The following GMDS variants were observed in gnomAD, a reference collection of about 807,000 sequenced individuals.
GMDS encodes the protein GDP-mannose 4,6 dehydratase.
A neutral mutation model predicts 49.9 loss-of-function variants in GMDS; 20 were observed. The ratio of observed to expected loss-of-function variants is 0.40; its 90% CI spans 0.28 to 0.58. GMDS has a LOEUF of 0.58. GMDS is among the 20% of genes least tolerant of loss of function. GMDS has a pLI of 0.42. For synonymous variants in GMDS, 177 were observed against 178.6 expected (o/e 0.99, Z 0.07); for missense variants, 362 against 481.4 (o/e 0.75, Z 2.32).
intron 9 of GMDS, among the ~76,000 whole-genome samples, chr6:1,666,306 G>T (rs950647857): frequency 1.3e-5 from 2 of 152,064 alleles, no homozygotes; most frequent in Admixed American, 1.3e-4. Context: ...TTATTTTACA[G>T]TGTGGATCTG....
At chr6:2,035,200 G>T (rs1769223578) in intron 4 of GMDS, among the ~76,000 whole-genome samples, 1 of 152,086 alleles carries the variant, frequency 6.6e-6, no homozygotes, top group Non-Finnish European at 1.5e-5. Context: ...TACACCATGT[G>T]GAGGGAAGGC....
chr6:1,719,957 G>C (rs1329597965), intron 9 of GMDS, among the ~76,000 whole-genome samples: 1 of 152,090 alleles, frequency 6.6e-6, no homozygotes, highest in Non-Finnish European at 1.5e-5. Context: ...ATGGAAAAAA[G>C]GTACAGATGT....
intron 7 of GMDS, among the ~76,000 whole-genome samples, chr6:1,918,198 C>T (rs934460315): frequency 6.6e-6 from 1 of 151,910 alleles, no homozygotes; most frequent in Non-Finnish European, 1.5e-5. Context: ...AATAATAGAG[C>T]CCTCCTTGGA....
At chr6:1,966,209 T>C (rs1460629873) in intron 4 of GMDS, among the ~76,000 whole-genome samples, 1 of 152,110 alleles carries the variant, frequency 6.6e-6, no homozygotes, top group East Asian at 1.9e-4. Context: ...TTGGTTGTGG[T>C]TGGTTTCTAT....
chr6:2,009,525 G>A (rs750729455), intron 4 of GMDS, among the ~76,000 whole-genome samples: 1 of 152,156 alleles, frequency 6.6e-6, no homozygotes, highest in African/African-American at 2.4e-5. Context: ...ACAAAGATAT[G>A]CTTTTTAAAA....
At chr6:1,724,839 C>T (rs1470233021) in intron 9 of GMDS, among the ~76,000 whole-genome samples, 1 of 152,294 alleles carries the variant, frequency 6.6e-6, no homozygotes, top group Admixed American at 6.5e-5. Flanking sequence ...CCATTAGCAC[C>T]GGGAACAATG....
chr6:2,084,728 C>T (rs1218313122), intron 4 of GMDS, among the ~76,000 whole-genome samples: 4 of 152,030 alleles, frequency 2.6e-5, no homozygotes, highest in East Asian at 1.9e-4. Context: ...AGGATGGTCT[C>T]GATCTCCTGA....
At chr6:1,791,660 G>T (rs1162879121) in intron 7 of GMDS, among the ~76,000 whole-genome samples, 2 of 152,146 alleles carry the variant, frequency 1.3e-5, no homozygotes, top group East Asian at 3.8e-4. Context: ...TAAGAAACAA[G>T]TATGGTTTGT....
chr6:1,705,902 A>C (rs1349423312), intron 9 of GMDS, among the ~76,000 whole-genome samples: 1 of 152,220 alleles, frequency 6.6e-6, no homozygotes, highest in Non-Finnish European at 1.5e-5. Context: ...CCCACACAGC[A>C]ATGAGAAGGG....
chr6:1,663,863 T>C (rs1201358768), intron 9 of GMDS, among the ~76,000 whole-genome samples: 2 of 152,198 alleles, frequency 1.3e-5, no homozygotes, highest in Non-Finnish European at 2.9e-5. Flanking sequence ...CCTCCTGACA[T>C]GTTATTAACA....
intron 9 of GMDS, among the ~76,000 whole-genome samples, chr6:1,670,283 T>G (rs562759623): frequency 2.0e-4 from 30 of 152,056 alleles, no homozygotes; most frequent in African/African-American, 7.2e-4. Context: ...TGGTTACAGG[T>G]GTTGCATACG....
intron 1 of GMDS, among the ~76,000 whole-genome samples, chr6:2,186,871 G>A (rs757881109): frequency 3.3e-5 from 5 of 152,152 alleles, no homozygotes; most frequent in Non-Finnish European, 5.9e-5. Context: ...ATATATACGT[G>A]TACATATATT....
intron 7 of GMDS, among the ~76,000 whole-genome samples, chr6:1,776,794 T>C (rs1768854400): frequency 6.6e-6 from 1 of 152,152 alleles, no homozygotes; most frequent in Admixed American, 6.5e-5. Flanking sequence ...AAAGCACTGA[T>C]TTTGCTCCTT....
intron 9 of GMDS, among the ~76,000 whole-genome samples, chr6:1,683,439 T>C (rs2113314229): frequency 6.6e-6 from 1 of 152,276 alleles, no homozygotes; most frequent in Admixed American, 6.5e-5. Flanking sequence ...GCTCTAGTTT[T>C]AAAGGTCTTA....
chr6:1,783,493 G>A (rs1769194740), intron 7 of GMDS, among the ~76,000 whole-genome samples: 1 of 152,122 alleles, frequency 6.6e-6, no homozygotes, highest in Non-Finnish European at 1.5e-5. Flanking sequence ...AAACACTGAA[G>A]TCAGGATCCA....
At chr6:1,729,372 G>C (rs1360009358) in intron 8 of GMDS, among the ~76,000 whole-genome samples, 1 of 152,170 alleles carries the variant, frequency 6.6e-6, no homozygotes, top group Non-Finnish European at 1.5e-5. Flanking sequence ...TGCTGAACTT[G>C]CATCTTGCAA....
intron 9 of GMDS, among the ~76,000 whole-genome samples, chr6:1,665,021 G>A (rs1764196329): frequency 6.6e-6 from 1 of 152,194 alleles, no homozygotes; most frequent in Non-Finnish European, 1.5e-5. Flanking sequence ...GTATCTCTTG[G>A]ACAGAGTATG....
intron 3 of GMDS, among the ~76,000 whole-genome samples, chr6:2,116,161 C>G (rs1292884098): frequency 6.6e-6 from 1 of 152,130 alleles, no homozygotes; most frequent in Non-Finnish European, 1.5e-5. Context: ...AATAACATAT[C>G]TTAGGGCTCC....
chr6:2,087,013 A>T (rs1361233052), intron 4 of GMDS, among the ~76,000 whole-genome samples: 1 of 152,228 alleles, frequency 6.6e-6, no homozygotes, highest in East Asian at 1.9e-4. Context: ...TGAAATGTTG[A>T]GCTAAAATAC....
Sources: gnomAD v4.1 joint callset for allele counts (sites outside exome capture counted in the v4.1 genomes callset) on GRCh38, gnomAD v4.1.1 for gene constraint, MANE v1.5 for transcripts, NCBI Gene and HGNC (gene_info 2026-07-23, HGNC 2026-07-21) for gene names.